ELP4: variants seen among roughly 807,000 people sequenced by gnomAD.
ELP4 encodes elongator acetyltransferase complex subunit 4, also known as elongator complex protein 4.
Under a neutral mutation model 48.9 loss-of-function variants are expected in ELP4, and 51 were observed. That is an observed-to-expected ratio of 1.04 (90% CI 0.83 to 1.32). The LOEUF (loss-of-function observed/expected upper bound fraction) is 1.32, where lower values mean the gene tolerates loss of function less well. Ranked by LOEUF, ELP4 falls within the 40% of genes most tolerant of loss-of-function variation. The probability of loss-of-function intolerance (pLI) is 0.00; values close to 1 mark genes in which losing one functional copy is unlikely to be tolerated. For synonymous variants in ELP4, 210 were observed against 189.2 expected (o/e 1.11, Z -0.90); for missense variants, 519 against 514.6 (o/e 1.01, Z -0.08).
At chr11:31,714,165 G>A (rs1343646113) in intron 9 of ELP4, among the ~76,000 whole-genome samples, 2 of 152,152 alleles carry the variant, frequency 1.3e-5, no homozygotes, top group African/African-American at 4.8e-5. Flanking sequence ...TTCAGAGCCA[G>A]GCAATACATT....
intron 5 of ELP4, among the ~76,000 whole-genome samples, chr11:31,609,722 A>G (rs1429207586): frequency 6.6e-6 from 1 of 152,112 alleles, no homozygotes; most frequent in African/African-American, 2.4e-5. Flanking sequence ...GATCCACAGT[A>G]TATTCAAAAG....
intron 3 of ELP4, among the ~76,000 whole-genome samples, chr11:31,560,963 C>T (rs1308713909): frequency 6.6e-6 from 1 of 151,946 alleles, no homozygotes; most frequent in South Asian, 2.1e-4. Flanking sequence ...TACCATATAG[C>T]CTAGGTATGT....
At chr11:31,762,738 A>G (rs915485145) in intron 9 of ELP4, among the ~76,000 whole-genome samples, 2 of 151,668 alleles carry the variant, frequency 1.3e-5, no homozygotes, top group African/African-American at 4.8e-5. Flanking sequence ...TTAATTTGCC[A>G]TATAGTTTAT....
In ELP4 at chr11:31,616,514, G is replaced by A. The variant is rs147037249; in HGVS notation, c.654-10596G>A. 7.4e-4 allele frequency among the ~76,000 whole-genome samples: 112 copies of A among 152,010 alleles called. 1 individual carries two copies. Among genetic ancestry groups the A allele is most frequent in the African/African-American group, 2.3e-3 (95 of 41,478 alleles). On this transcript the variant is annotated intron_variant, in intron 5 of 9. Coordinates refer to ENST00000640961, the MANE Select transcript of ELP4 (RefSeq NM_019040.5). ...GGAAACATTTCATAATCTTGGATTCGGCCATTATTTCTTGGATATGACACC... is the reference window on the plus strand; with the variant it reads ...GGAAACATTTCATAATCTTGGATTCAGCCATTATTTCTTGGATATGACACC...
At chr11:31,754,382 C>T (rs1947790365) in intron 9 of ELP4, among the ~76,000 whole-genome samples, 1 of 152,176 alleles carries the variant, frequency 6.6e-6, no homozygotes, top group East Asian at 1.9e-4. Context: ...GCCCACCGAG[C>T]TGCAACCACC....
At chr11:31,649,382 G>A (rs1945274241) in intron 8 of ELP4, 1 of 151,588 alleles carries the variant, frequency 6.6e-6, no homozygotes, top group Non-Finnish European at 1.5e-5. Context: ...TCATCTGTGG[G>A]AAATGACCCC....
chr11:31,742,577 G>A (rs1405209232), intron 9 of ELP4, among the ~76,000 whole-genome samples: 1 of 152,238 alleles, frequency 6.6e-6, no homozygotes, highest in African/African-American at 2.4e-5. Flanking sequence ...CAAGCCAGAA[G>A]AGAGTGGGGG....
At chr11:31,688,038 A>G (rs1479661505) in intron 9 of ELP4, among the ~76,000 whole-genome samples, 1 of 152,164 alleles carries the variant, frequency 6.6e-6, no homozygotes, top group Non-Finnish European at 1.5e-5. Context: ...ATGATTTTTA[A>G]ATGAGGCCAT....
At chr11:31,736,008 G>T (rs558016041) in intron 9 of ELP4, among the ~76,000 whole-genome samples, 1 of 152,022 alleles carries the variant, frequency 6.6e-6, no homozygotes, top group African/African-American at 2.4e-5. Context: ...AAAAGAGCCC[G>T]CATTGCCAAG....
chr11:31,706,495 A>G (rs983259116), intron 9 of ELP4, among the ~76,000 whole-genome samples: 5 of 148,314 alleles, frequency 3.4e-5, no homozygotes, highest in African/African-American at 1.2e-4. Context: ...TAAATGTTAT[A>G]TTTATTTTTA....
At chr11:31,524,943 A>T (rs1465505389) in intron 2 of ELP4, among the ~76,000 whole-genome samples, 1 of 152,110 alleles carries the variant, frequency 6.6e-6, no homozygotes, top group Admixed American at 6.6e-5. Flanking sequence ...ATGCCACTGG[A>T]CTCCAGCCTG....
At chr11:31,548,746 C>T (rs1956781767) in intron 3 of ELP4, among the ~76,000 whole-genome samples, 1 of 152,152 alleles carries the variant, frequency 6.6e-6, no homozygotes, top group Middle Eastern at 3.2e-3. Flanking sequence ...TACTACAAGG[C>T]TACAGTAACC....
At chr11:31,536,290 C>T (rs1267417072) in intron 2 of ELP4, among the ~76,000 whole-genome samples, 1 of 151,736 alleles carries the variant, frequency 6.6e-6, no homozygotes, top group Non-Finnish European at 1.5e-5. Flanking sequence ...AGTAGAATTC[C>T]TGGATCGTAT....
intron 3 of ELP4, among the ~76,000 whole-genome samples, chr11:31,546,858 A>G (rs1956730897): frequency 6.6e-6 from 1 of 152,212 alleles, no homozygotes; most frequent in South Asian, 2.1e-4. Flanking sequence ...ACTGTATGGA[A>G]ACTGAACAAC....
intron 9 of ELP4, among the ~76,000 whole-genome samples, chr11:31,657,689 T>C (rs1460623495): frequency 2.0e-5 from 3 of 151,944 alleles, no homozygotes; most frequent in African/African-American, 7.2e-5. Context: ...GCATACATAC[T>C]ATTTCACATA....
At chr11:31,705,272 T>A (rs1175988178) in intron 9 of ELP4, among the ~76,000 whole-genome samples, 8 of 152,066 alleles carry the variant, frequency 5.3e-5, no homozygotes, top group Non-Finnish European at 1.0e-4. Context: ...GCATGTCAGC[T>A]CAGGTCTCTC....
At chr11:31,709,345 T>C (rs1946694907) in intron 9 of ELP4, among the ~76,000 whole-genome samples, 1 of 152,208 alleles carries the variant, frequency 6.6e-6, no homozygotes. Context: ...CTTCAGGTGC[T>C]AGTTAAGTTT....
intron 9 of ELP4, among the ~76,000 whole-genome samples, chr11:31,679,654 T>C (rs1215781710): frequency 6.6e-6 from 1 of 152,188 alleles, no homozygotes; most frequent in Non-Finnish European, 1.5e-5. Context: ...CATTATGAGA[T>C]ACTATGCGTA....
At chr11:31,537,197 A>G (rs899802102) in intron 2 of ELP4, among the ~76,000 whole-genome samples, 3 of 152,212 alleles carry the variant, frequency 2.0e-5, no homozygotes, top group African/African-American at 7.2e-5. Context: ...GATTGAGTGT[A>G]CTATGAGGCA....
Sources: allele counts gnomAD v4.1 joint callset (sites outside exome capture counted in the v4.1 genomes callset), GRCh38; gene constraint gnomAD v4.1.1; transcripts MANE v1.5; gene names NCBI Gene and HGNC (gene_info 2026-07-23, HGNC 2026-07-21).